GRM7: variants seen among roughly 807,000 people sequenced by gnomAD.
GRM7 encodes the protein metabotropic glutamate receptor 7.
In GRM7, 35 loss-of-function variants were observed where a neutral mutation model predicts 84.5. The observed-to-expected ratio is 0.41, with a 90% CI of 0.32 to 0.55. GRM7 has a LOEUF of 0.55. Ranked by LOEUF, GRM7 falls within the 20% of genes least tolerant of loss-of-function variation. The pLI is 0.19. For missense variants in GRM7, 1,003 were observed against 1,194.6 expected (o/e 0.84, Z 2.36); for synonymous variants, 487 against 455.1 (o/e 1.07, Z -0.89).
chr3:6,917,620 C>G (rs1365642177), intron 1 of GRM7, among the ~76,000 whole-genome samples: 2 of 150,746 alleles, frequency 1.3e-5, no homozygotes, highest in Non-Finnish European at 2.9e-5. Context: ...GTGGCTTGGG[C>G]TAAAGCATTT....
chr3:7,556,009 T>C (rs1185270558), intron 7 of GRM7, among the ~76,000 whole-genome samples: 8 of 152,168 alleles, frequency 5.3e-5, no homozygotes, highest in Non-Finnish European at 8.8e-5. Flanking sequence ...ACCTGTCTTA[T>C]TTGATTTGGG....
intron 2 of GRM7, among the ~76,000 whole-genome samples, chr3:7,224,210 G>A (rs1395571929): frequency 2.0e-5 from 3 of 152,190 alleles, no homozygotes; most frequent in Non-Finnish European, 4.4e-5. Context: ...GAAGCCTGAG[G>A]AAACGTACAA....
At chr3:7,012,871 A>T (rs1296093499) in intron 1 of GRM7, among the ~76,000 whole-genome samples, 3 of 152,166 alleles carry the variant, frequency 2.0e-5, no homozygotes, top group Non-Finnish European at 4.4e-5. Context: ...CCCTTGAGTA[A>T]CTAGGACTAC....
intron 1 of GRM7, among the ~76,000 whole-genome samples, chr3:6,867,360 C>T (rs1396775638): frequency 6.6e-6 from 1 of 152,116 alleles, no homozygotes; most frequent in South Asian, 2.1e-4. Flanking sequence ...CCAACATTTA[C>T]TGTAATTGAT....
intron 1 of GRM7, among the ~76,000 whole-genome samples, chr3:6,898,229 C>T (rs1201622592): frequency 1.3e-5 from 2 of 152,054 alleles, no homozygotes; most frequent in African/African-American, 2.4e-5. Flanking sequence ...CAGAGAGAGA[C>T]AAGTAGTTAG....
At position 7,229,751 on chromosome 3, in the gene GRM7, ATATATATATTT is replaced by A. The variant is rs1559514675; in HGVS notation, c.737-68931_737-68921del. Reference sequence around the variant, plus strand: ...CATATATATATATATATATATATATATATATATATTTTTTTTTTTTTTTGGTTGACAGGTGT... The same window carrying A: ...CATATATATATATATATATATATATATTTTTTTTTTTTGGTTGACAGGTGT... On this transcript the variant is annotated intron_variant, in intron 2 of 9. Transcript: ENST00000357716. Among the ~76,000 whole-genome samples, 95 of 28,624 alleles carry A rather than the reference ATATATATATTT, an allele frequency of 3.3e-3. 4 individuals carry two copies. The highest frequency in any genetic ancestry group is 4.4e-3 in the Admixed American group (9 of 2,040). The allele number at this position is 28,624 out of a possible 152,430, so 18.8% of individuals were successfully genotyped here. A position where few individuals can be genotyped will look rare whatever the true frequency, so the allele number is the denominator to read the frequency against.
intron 2 of GRM7, among the ~76,000 whole-genome samples, chr3:7,286,983 G>A (rs766696929): frequency 2.6e-5 from 4 of 152,120 alleles, no homozygotes; most frequent in African/African-American, 4.8e-5. Context: ...GCTTTATCAG[G>A]CACAGTTTGG....
At chr3:7,178,965 G>A (rs987422084) in intron 2 of GRM7, among the ~76,000 whole-genome samples, 1 of 152,012 alleles carries the variant, frequency 6.6e-6, no homozygotes, top group East Asian at 1.9e-4. Context: ...TACAAGCTGG[G>A]TGTGGTGGCA....
intron 7 of GRM7, among the ~76,000 whole-genome samples, chr3:7,509,102 A>G (rs995741944): frequency 2.6e-5 from 4 of 152,134 alleles, no homozygotes; most frequent in African/African-American, 9.7e-5. Context: ...CCTTTGTCCA[A>G]TGTGCCACAC....
chr3:7,183,683 C>A (rs1204049047), intron 2 of GRM7, among the ~76,000 whole-genome samples: 1 of 151,974 alleles, frequency 6.6e-6, no homozygotes, highest in Non-Finnish European at 1.5e-5. Context: ...ATGAAGAGCT[C>A]TTTTCATGAG....
chr3:7,049,436 A>G (rs983042167), intron 1 of GRM7, among the ~76,000 whole-genome samples: 3 of 151,882 alleles, frequency 2.0e-5, no homozygotes, highest in Admixed American at 6.6e-5. Flanking sequence ...ATTCACTACC[A>G]TGAGAGCAGT....
chr3:7,367,605 G>A (rs1693949125), intron 4 of GRM7, among the ~76,000 whole-genome samples: 1 of 151,692 alleles, frequency 6.6e-6, no homozygotes, highest in Non-Finnish European at 1.5e-5. Context: ...TGGGAGGGTT[G>A]AGGGCCCTGC....
At chr3:7,100,069 C>T (rs1339212042) in intron 1 of GRM7, among the ~76,000 whole-genome samples, 5 of 150,472 alleles carry the variant, frequency 3.3e-5, no homozygotes, top group East Asian at 1.9e-4. Context: ...ATGTAATTTA[C>T]TTTCCCCACA....
At chr3:6,889,110 G>A (rs369161868) in intron 1 of GRM7, among the ~76,000 whole-genome samples, 205 of 152,074 alleles carry the variant, frequency 1.3e-3, no homozygotes, top group Middle Eastern at 6.8e-3. Context: ...GAAGTTGCTT[G>A]TCAGCTTAAG....
At chr3:6,980,061 A>G (rs1575093435) in intron 1 of GRM7, among the ~76,000 whole-genome samples, 1 of 152,160 alleles carries the variant, frequency 6.6e-6, no homozygotes, top group East Asian at 1.9e-4. Flanking sequence ...TGTTAGAATT[A>G]ATGGCCTTTA....
At chr3:7,229,757 ATATTTTTT>A (rs1360120245) in intron 2 of GRM7, among the ~76,000 whole-genome samples, 1 of 26,876 alleles carries the variant, frequency 3.7e-5, no homozygotes, top group Non-Finnish European at 6.7e-5. Context: ...ATATATATAT[ATATTTTTT>A]TTTTTTTTTG....
chr3:7,733,843 T>C (rs1285474604), intron 9 of GRM7, among the ~76,000 whole-genome samples: 1 of 152,188 alleles, frequency 6.6e-6, no homozygotes, highest in Non-Finnish European at 1.5e-5. Flanking sequence ...TATACCTTTA[T>C]ATTGCCCTGC....
chr3:6,942,414 T>A (rs2125058208), intron 1 of GRM7, among the ~76,000 whole-genome samples: 1 of 152,280 alleles, frequency 6.6e-6, no homozygotes. Flanking sequence ...AACTTCCTCC[T>A]GTGTCTTCTT....
Position 7,570,793 on chromosome 3 carries a change from G to A in GRM7, c.1516-7629G>A, listed in dbSNP as rs980867609. Among the ~76,000 whole-genome samples the A allele has an allele frequency of 1.6e-4, 24 of 152,164 alleles. 1 individual carries two copies. Among genetic ancestry groups the A allele is most frequent in the East Asian group, 7.7e-4 (4 of 5,190 alleles). On this transcript the variant is annotated intron_variant, in intron 7 of 9. Transcript: ENST00000357716. ...GGCTCTCACCCCACATTTCCCTTCCGCACTGCTCTAGCAGATGTTCTCCAT... is the reference window on the plus strand; with the variant it reads ...GGCTCTCACCCCACATTTCCCTTCCACACTGCTCTAGCAGATGTTCTCCAT...
Sources: gnomAD v4.1 joint callset for allele counts (sites outside exome capture counted in the v4.1 genomes callset) on GRCh38, gnomAD v4.1.1 for gene constraint, MANE v1.5 for transcripts, NCBI Gene and HGNC (gene_info 2026-07-23, HGNC 2026-07-21) for gene names.